The following MACROD1 variants were observed in gnomAD, a reference collection of about 807,000 sequenced individuals.
MACROD1 encodes the protein mono-ADP ribosylhydrolase 1.
MACROD1 carries 31 observed loss-of-function variants against 41.4 expected under a neutral mutation model. The ratio of observed to expected loss-of-function variants is 0.75; its 90% CI spans 0.56 to 1.01. MACROD1 has a LOEUF of 1.01. Among genes scored for constraint, MACROD1 ranks in the 50% least tolerant of loss-of-function variants. MACROD1 has a pLI of 0.00. For missense variants in MACROD1, 473 were observed against 460.0 expected, an observed-to-expected ratio of 1.03 and a Z score of -0.26; for synonymous variants, 252 against 203.4, an observed-to-expected ratio of 1.24 and a Z score of -2.03.
chr11:64,163,757 A>G (rs1404677105), intron 1 of MACROD1, among the ~76,000 whole-genome samples: 1 of 152,176 alleles, frequency 6.6e-6, no homozygotes, highest in Non-Finnish European at 1.5e-5. Context: ...CAAGAGATGG[A>G]GAGAATGCAG....
In MACROD1 at chr11:63,999,048, G is replaced by A. The variant is rs1402290559; in HGVS notation, c.892-12C>T. ...ATCAGCCGGTCCACCTGCGCCAGGG[G>A]CTGCTCAGCCTGGGCCGAGCTGCCA... On this transcript the variant is annotated splice_polypyrimidine_tract_variant and intron_variant, in intron 8 of 10. Transcript: ENST00000255681. 8 of 1,596,242 alleles carry A rather than the reference G, an allele frequency of 5.0e-6. No homozygotes were observed. The South Asian group carries it at 7.9e-5, about 16-fold the overall frequency.
At chr11:64,108,304 ACT>A (rs1944799314) in intron 3 of MACROD1, among the ~76,000 whole-genome samples, 1 of 149,062 alleles carries the variant, frequency 6.7e-6, no homozygotes, top group Non-Finnish European at 1.5e-5. Flanking sequence ...CAAGAGCGAA[ACT>A]CTGTCTCAAA....
At chr11:64,161,625 T>TA (rs1945757820) in intron 1 of MACROD1, among the ~76,000 whole-genome samples, 1 of 152,176 alleles carries the variant, frequency 6.6e-6, no homozygotes, top group Non-Finnish European at 1.5e-5. Context: ...AGATCTCCCA[T>TA]AATGTGATGG....
intron 3 of MACROD1, among the ~76,000 whole-genome samples, chr11:64,077,411 T>G (rs1944222322): frequency 6.6e-6 from 1 of 152,134 alleles, no homozygotes; most frequent in South Asian, 2.1e-4. Context: ...TCCCCAGCTG[T>G]GCCCCGTCCT....
At chr11:64,124,324 G>A (rs1298026854) in intron 3 of MACROD1, among the ~76,000 whole-genome samples, 1 of 152,216 alleles carries the variant, frequency 6.6e-6, no homozygotes, top group Non-Finnish European at 1.5e-5. Context: ...CCCACGTGCA[G>A]TCCAACACGC....
intron 1 of MACROD1, among the ~76,000 whole-genome samples, chr11:64,160,988 A>G (rs1945745189): frequency 6.6e-6 from 1 of 152,078 alleles, no homozygotes; most frequent in South Asian, 2.1e-4. Context: ...CCTGGCCAAC[A>G]TGGTGAAACT....
At chr11:64,079,591 G>A (rs1229899868) in intron 3 of MACROD1, among the ~76,000 whole-genome samples, 1 of 152,186 alleles carries the variant, frequency 6.6e-6, no homozygotes, top group East Asian at 1.9e-4. Flanking sequence ...AGGGTCCTGG[G>A]CGTGGGGTGG....
At chr11:64,051,293 A>G (rs537055033) in intron 3 of MACROD1, among the ~76,000 whole-genome samples, 1 of 152,262 alleles carries the variant, frequency 6.6e-6, no homozygotes, top group Non-Finnish European at 1.5e-5. Context: ...CCTCTTTTGA[A>G]GTAGCTCTGG....
rs919759821 is a variant in MACROD1, at chr11:63,999,340, G to A, written c.882C>T (p.His294=). 6.4e-7 allele frequency: 1 copy of A among 1,567,986 alleles called. No homozygotes were observed. Residue 294 remains histidine, a synonymous_variant, in exon 8 of 11, where the codon CAC becomes CAT. Coordinates refer to ENST00000255681, the MANE Select transcript of MACROD1 (RefSeq NM_014067.4). ...CGGGCCCAGGACTCACCTTGTCCTT[G>A]TGCTGCTCCAGCCACTCTCGCAGCG... ...LATLREWLEQ[H]KDKVDRLIIC...
In MACROD1 at chr11:64,082,726, C is replaced by G. The variant is rs1345018071; in HGVS notation, c.518-67445G>C. Among the ~76,000 whole-genome samples the G allele has an allele frequency of 6.6e-6, 1 of 152,162 alleles. No homozygotes were observed. Among genetic ancestry groups the G allele is most frequent in the African/African-American group, 2.4e-5 (1 of 41,424 alleles). On this transcript the variant is annotated intron_variant, in intron 3 of 10. Coordinates refer to ENST00000255681, the MANE Select transcript of MACROD1 (RefSeq NM_014067.4). The surrounding 1 kb of genome is among the most constrained non-coding windows in gnomAD (Gnocchi z 4.5). Reference sequence around the variant, plus strand: ...GTCTCACACAAGGAATGTGGAGCATCCTCCTGAGAGGACTCAGAGGGGATT... The same window carrying G: ...GTCTCACACAAGGAATGTGGAGCATGCTCCTGAGAGGACTCAGAGGGGATT...
At chr11:64,097,954 C>T (rs1944607076) in intron 3 of MACROD1, among the ~76,000 whole-genome samples, 1 of 152,064 alleles carries the variant, frequency 6.6e-6, no homozygotes, top group Non-Finnish European at 1.5e-5. Context: ...GGAACCCACT[C>T]AGCACCCAGG....
At chr11:64,062,986 A>T (rs1244375639) in intron 3 of MACROD1, among the ~76,000 whole-genome samples, 1 of 152,200 alleles carries the variant, frequency 6.6e-6, no homozygotes, top group Non-Finnish European at 1.5e-5. Context: ...CTGCAAGGGG[A>T]CAGGGCTCCC....
rs543259360 is a variant in MACROD1, at chr11:64,116,180, C to T, written c.517+35059G>A. On this transcript the variant is annotated intron_variant, in intron 3 of 10. Transcript: ENST00000255681. ...GATTCACTCCTGGGGTCGCTGTCGC[C>T]GCCTCCCTCTCACTGCCCCTGTCCT... 7.3e-6 allele frequency: 11 copies of T among 1,508,362 alleles called. No individual in the cohort carries two copies. The South Asian group carries it at 9.1e-5, about 12-fold the overall frequency. The allele number at this position is 1,508,362 out of a possible 1,614,324, so 93.4% of individuals were successfully genotyped here.
chr11:63,998,705 T>C lies in MACROD1; in HGVS notation c.*31-18A>G, dbSNP rs1050183631. The C allele has an allele frequency of 2.9e-6, 4 of 1,387,658 alleles. No homozygotes were observed. The highest frequency in any genetic ancestry group is 3.7e-6 in the Non-Finnish European group (4 of 1,074,372). 86.0% of individuals were successfully genotyped at this position (1,387,658 alleles called of 1,614,324 possible). The stretch of plus-strand genomic sequence containing the variant: ...AGGCGGGTCTGAGGGCAGAGCAGAG[T>C]CAGAGGTGTCTATGGGCGTCCCCGA... On this transcript the variant is annotated intron_variant, in intron 10 of 10. Coordinates refer to ENST00000255681, the MANE Select transcript of MACROD1 (RefSeq NM_014067.4).
At chr11:64,161,619 C>G (rs1945757617) in intron 1 of MACROD1, among the ~76,000 whole-genome samples, 1 of 152,210 alleles carries the variant, frequency 6.6e-6, no homozygotes, top group Non-Finnish European at 1.5e-5. Context: ...CCCCCCAGAT[C>G]TCCCATAATG....
At chr11:64,154,053 T>C (rs903312647) in intron 1 of MACROD1, among the ~76,000 whole-genome samples, 1 of 152,150 alleles carries the variant, frequency 6.6e-6, no homozygotes, top group Non-Finnish European at 1.5e-5. Flanking sequence ...CCACACCCCA[T>C]GCAGCGGCCC....
intron 3 of MACROD1, among the ~76,000 whole-genome samples, chr11:64,043,305 G>A (rs886692132): frequency 6.6e-6 from 1 of 152,190 alleles, no homozygotes; most frequent in Non-Finnish European, 1.5e-5. Flanking sequence ...AGGGGCTGGA[G>A]AGGGGCTGTA....
intron 3 of MACROD1, among the ~76,000 whole-genome samples, chr11:64,043,519 G>A (rs1943528451): frequency 6.6e-6 from 1 of 152,160 alleles, no homozygotes; most frequent in Admixed American, 6.5e-5. Context: ...AGCTCTGGAG[G>A]GCTCTGGAGA....
chr11:64,119,065 C>A, intron 3 of MACROD1: 1 of 167,414 alleles, frequency 6.0e-6, no homozygotes. Context: ...CTATCCCTGT[C>A]GCGGTGTCTC....
Sources: gnomAD v4.1 joint callset for allele counts (sites outside exome capture counted in the v4.1 genomes callset) on GRCh38, gnomAD v4.1.1 for gene constraint, Gnocchi (gnomAD v3.1) non-coding constraint, MANE v1.5 for transcripts, NCBI Gene and HGNC (gene_info 2026-07-23, HGNC 2026-07-21) for gene names.